NME8: variants seen among roughly 807,000 people sequenced by gnomAD.
NME8 encodes the protein NME/NM23 family member 8.
Under a neutral mutation model 82.3 loss-of-function variants are expected in NME8, and 72 were observed. The ratio of observed to expected loss-of-function variants is 0.87; its 90% CI spans 0.72 to 1.06. NME8 has a LOEUF of 1.06. Among genes scored for constraint, NME8 ranks in the 50% least tolerant of loss-of-function variants. The pLI, the probability that NME8 is intolerant of heterozygous loss-of-function variation, is 0.00. For synonymous variants in NME8, 267 were observed against 228.5 expected (o/e 1.17, Z -1.52); for missense variants, 712 against 685.4 (o/e 1.04, Z -0.43).
At chr7:37,892,856 T>TG (rs200893977) in intron 15 of NME8, among the ~76,000 whole-genome samples, 1,661 of 152,138 alleles carry the variant, frequency 0.011, 30 homozygotes, top group African/African-American at 0.032. Context: ...TGTTACAGTT[T>TG]GGGGGGGTAT....
chr7:37,861,687 G>T (rs991587055), intron 6 of NME8, among the ~76,000 whole-genome samples: 3 of 152,150 alleles, frequency 2.0e-5, no homozygotes, highest in Non-Finnish European at 2.9e-5. Context: ...AAATAACTAG[G>T]GAGGATGTCA....
chr7:37,892,095 C>G (rs1785137597), intron 15 of NME8, among the ~76,000 whole-genome samples: 1 of 151,762 alleles, frequency 6.6e-6, no homozygotes, highest in Non-Finnish European at 1.5e-5. Flanking sequence ...TTCAAGAAAC[C>G]TGGTGCCATA....
intron 16 of NME8, among the ~76,000 whole-genome samples, chr7:37,895,213 G>A (rs947427798): frequency 3.9e-5 from 6 of 152,002 alleles, no homozygotes; most frequent in Admixed American, 6.6e-5. Context: ...TAAATATTAC[G>A]ATAAGAAATA....
intron 17 of NME8, among the ~76,000 whole-genome samples, chr7:37,899,487 T>G (rs575447567): frequency 6.6e-6 from 1 of 151,120 alleles, no homozygotes; most frequent in Non-Finnish European, 1.5e-5. Flanking sequence ...TGAGAACACA[T>G]GGACACATGG....
intron 16 of NME8, 91 bp from the exon 17 acceptor site, chr7:37,896,778 TG>T (rs1438718217): frequency 5.7e-6 from 6 of 1,049,816 alleles, no homozygotes; most frequent in Middle Eastern, 2.6e-4. Context: ...AGGAGCTCCC[TG>T]GCTCAGGCTG....
chr7:37,873,838 A>G (rs1054417353), intron 11 of NME8, among the ~76,000 whole-genome samples: 4 of 152,240 alleles, frequency 2.6e-5, no homozygotes, highest in African/African-American at 9.6e-5. Flanking sequence ...CATGGCGCTG[A>G]TAAAAAGCAA....
Position 37,884,391 on chromosome 7 carries a change from G to A in NME8, c.1083G>A (p.Leu361=), listed in dbSNP as rs1785009618. ...VVLSEKEAQA[L]CKEYENEDYF... ...TATCGGAAAAAGAAGCACAAGCACTGTGCAAGGAATATGAAAATGAAGACT... is the reference window on the plus strand; with the variant it reads ...TATCGGAAAAAGAAGCACAAGCACTATGCAAGGAATATGAAAATGAAGACT... Residue 361 remains leucine, a synonymous_variant, in exon 13 of 18, where the codon CTG becomes CTA. Transcript: ENST00000199447. The A allele has an allele frequency of 1.2e-6, 2 of 1,610,218 alleles. No homozygotes were observed. The highest frequency in any genetic ancestry group is 1.7e-5 in the Admixed American group (1 of 59,996).
intron 7 of NME8, among the ~76,000 whole-genome samples, chr7:37,862,380 G>A (rs1784609602): frequency 1.3e-5 from 2 of 152,132 alleles, no homozygotes; most frequent in African/African-American, 4.8e-5. Flanking sequence ...GGCAATGCAT[G>A]TGTATATATA....
At position 37,893,058 on chromosome 7, in the gene NME8, G is replaced by C. The variant is rs7797449; in HGVS notation, c.1400-1408G>C. On this transcript the variant is annotated intron_variant, in intron 15 of 17. Coordinates refer to ENST00000199447, the MANE Select transcript of NME8 (RefSeq NM_016616.5). Reference sequence around the variant, plus strand: ...CATTTCTCAGCTCAGATTTTCTCTTGGTTTTGTATTAATATAATTAGGTAG... The same window carrying C: ...CATTTCTCAGCTCAGATTTTCTCTTCGTTTTGTATTAATATAATTAGGTAG... Among the ~76,000 whole-genome samples, 1,414 of 152,048 alleles carry C rather than the reference G, an allele frequency of 9.3e-3. 16 individuals carry two copies. Among genetic ancestry groups the C allele is most frequent in the Non-Finnish European group, 0.015 (1,007 of 67,954 alleles).
rs1439000248 is a variant in NME8 at position 37,856,561 on chromosome 7, G to T, written c.199-713G>T. Among the ~76,000 whole-genome samples, 5 of 152,112 alleles carry T rather than the reference G, an allele frequency of 3.3e-5. No individual in the cohort carries two copies. In the East Asian group the frequency reaches 9.6e-4, roughly 29 times the overall value. On this transcript the variant is annotated intron_variant, in intron 5 of 17. Transcript: ENST00000199447. ...AGACCCTACCAAACGATCTCATTCT[G>T]GCAGCTGGACCAATGGATACTATGT... is the stretch of plus-strand genomic sequence containing the variant.
chr7:37,850,515 C>T (rs1376572056), intron 4 of NME8, 80 bp downstream of exon 4: 1 of 1,559,006 alleles, frequency 6.4e-7, no homozygotes, highest in Non-Finnish European at 8.8e-7. Flanking sequence ...CTAGAGTCCC[C>T]ACTTTGACCA....
In NME8 at chr7:37,850,614, A is replaced by G; in HGVS notation, c.92-15A>G. 1 of 1,581,030 alleles carries G rather than the reference A, an allele frequency of 6.3e-7. No individual in the cohort carries two copies. On this transcript the variant is annotated splice_polypyrimidine_tract_variant and intron_variant, in intron 4 of 17. Transcript: ENST00000199447. ...TGGTAGACTTTGTTATTTCATAAATATCATCATCTTCTAGTGATTGATGTT... is the reference window on the plus strand; with the variant it reads ...TGGTAGACTTTGTTATTTCATAAATGTCATCATCTTCTAGTGATTGATGTT...
At chr7:37,876,072 G>A (rs2131959313) in intron 11 of NME8, among the ~76,000 whole-genome samples, 1 of 147,564 alleles carries the variant, frequency 6.8e-6, no homozygotes, top group African/African-American at 2.5e-5. Context: ...TAGCTGGGCT[G>A]GGGGTGTGCG....
chr7:37,858,443 G>T (rs1434769838), intron 6 of NME8, among the ~76,000 whole-genome samples: 1 of 152,100 alleles, frequency 6.6e-6, no homozygotes, highest in Non-Finnish European at 1.5e-5. Flanking sequence ...TTTAGGTGAG[G>T]GGTCAGCTAA....
At position 37,863,404 on chromosome 7, in the gene NME8, A is replaced by T. The variant is rs1425615618; in HGVS notation, c.396A>T (p.Glu132Asp). 6.3e-7 allele frequency: 1 copy of T among 1,581,080 alleles called. No homozygotes were observed. Among genetic ancestry groups the T allele is most frequent in the Non-Finnish European group, 8.7e-7 (1 of 1,150,176 alleles). ...GCATTTCTTTTTCATAGTATCCTGA[A>T]ATTCCATTAGTAGACTCAGATTCAG... ...AGEMARPQYP[E>D]IPLVDSDSEV... Residue 132 changes from glutamate to aspartate, a missense_variant, in exon 8 of 18, where the codon GAA (glutamate) becomes GAT (aspartate). Coordinates refer to ENST00000199447, the MANE Select transcript of NME8 (RefSeq NM_016616.5).
intron 5 of NME8, among the ~76,000 whole-genome samples, chr7:37,852,931 G>C (rs1431295307): frequency 6.6e-6 from 1 of 152,146 alleles, no homozygotes; most frequent in Non-Finnish European, 1.5e-5. Flanking sequence ...CTAAGCAGCT[G>C]TACCATTTTG....
chr7:37,888,287 C>T lies in NME8; in HGVS notation c.1258C>T (p.Gln420Ter), dbSNP rs762934676. The change falls in exon 15 of 18, where the codon CAG becomes TAG. Residue 420 changes from glutamine (Q) to a stop codon, truncating the protein, a stop_gained. Transcript: ENST00000199447. LOFTEE classifies it high-confidence loss of function. ...ACTTCTTTTTCAAAGTTTATGTGCA[C>T]AGTTTGCGATGGACAGTTTGCCGGT... ...IEYFPESLCA[Q>*]FAMDSLPVNQ... 26 of 1,613,480 alleles carry T rather than the reference C, an allele frequency of 1.6e-5. No individual in the cohort carries two copies. The highest frequency in any genetic ancestry group is 1.9e-5 in the Non-Finnish European group (22 of 1,179,606).
At chr7:37,858,282 A>T (rs917926261) in intron 6 of NME8, among the ~76,000 whole-genome samples, 11 of 152,298 alleles carry the variant, frequency 7.2e-5, no homozygotes, top group Admixed American at 5.2e-4. Flanking sequence ...CATTAAAAAC[A>T]CATCTTGGAT....
At chr7:37,881,912 G>A (rs1383229073) in intron 12 of NME8, among the ~76,000 whole-genome samples, 1 of 152,156 alleles carries the variant, frequency 6.6e-6, no homozygotes, top group Non-Finnish European at 1.5e-5. Flanking sequence ...TTCAAGGAAT[G>A]GGTCAATTTA....
Sources: gnomAD v4.1 joint callset for allele counts (sites outside exome capture counted in the v4.1 genomes callset) on GRCh38, gnomAD v4.1.1 for gene constraint, MANE v1.5 for transcripts, NCBI Gene and HGNC (gene_info 2026-07-23, HGNC 2026-07-21) for gene names.